The following NEGR1 variants were observed in gnomAD, a reference collection of about 807,000 sequenced individuals.
The protein encoded by NEGR1 is IgLON family member 4.
NEGR1 carries 10 observed loss-of-function variants against 40.9 expected under a neutral mutation model. The ratio of observed to expected loss-of-function variants is 0.24; its 90% CI spans 0.15 to 0.42. The LOEUF is 0.42. Ranked by LOEUF, NEGR1 falls within the 10% of genes least tolerant of loss-of-function variation. The pLI, the probability that NEGR1 is intolerant of heterozygous loss-of-function variation, is 1.00. For missense variants in NEGR1, 352 were observed against 438.9 expected (o/e 0.80, Z 1.77); for synonymous variants, 185 against 166.8 (o/e 1.11, Z -0.84).
At chr1:71,564,960 T>C (rs190881336) in intron 6 of NEGR1, among the ~76,000 whole-genome samples, 37 of 152,278 alleles carry the variant, frequency 2.4e-4, no homozygotes, top group African/African-American at 8.2e-4. Context: ...TGTATCATAC[T>C]GCTTCAAAGA....
At chr1:72,173,806 G>A (rs1652054554) in intron 1 of NEGR1, among the ~76,000 whole-genome samples, 1 of 152,080 alleles carries the variant, frequency 6.6e-6, no homozygotes, top group Non-Finnish European at 1.5e-5. Context: ...AGCTGGACGT[G>A]GTGGCAGGCA....
intron 1 of NEGR1, among the ~76,000 whole-genome samples, chr1:72,046,495 C>T (rs1038821156): frequency 6.6e-6 from 1 of 151,490 alleles, no homozygotes. Flanking sequence ...TAAATTATAG[C>T]TTCATGATTA....
chr1:71,796,646 A>G (rs1423758912), intron 2 of NEGR1, among the ~76,000 whole-genome samples: 1 of 151,940 alleles, frequency 6.6e-6, no homozygotes, highest in African/African-American at 2.4e-5. Context: ...CTGCAGCAAA[A>G]ACTCCTTTTT....
intron 1 of NEGR1, among the ~76,000 whole-genome samples, chr1:72,187,347 CA>C (rs1469993283): frequency 1.3e-5 from 2 of 151,266 alleles, no homozygotes; most frequent in African/African-American, 4.8e-5. Flanking sequence ...TTTATTGAAA[CA>C]ACATAGGAAA....
chr1:71,780,040 CAAAAAAAAA>C lies in NEGR1; in HGVS notation c.410-3752_410-3744del, dbSNP rs57576840. 2.2e-3 allele frequency among the ~76,000 whole-genome samples: 220 copies of C among 99,708 alleles called. 1 individual carries two copies. Among genetic ancestry groups the C allele is most frequent in the East Asian group, 0.02 (70 of 3,570 alleles). 65.4% of individuals were successfully genotyped at this position (99,708 alleles called of 152,430 possible). On this transcript the variant is annotated intron_variant, in intron 2 of 6. Coordinates refer to ENST00000357731, the MANE Select transcript of NEGR1 (RefSeq NM_173808.3). ...GTGCTAAGCACTTGCATAGGAAAACCAAAAAAAAAAAAAAAAAAAAAAAAAAAAAAAGAA... is the reference window on the plus strand; with the variant it reads ...GTGCTAAGCACTTGCATAGGAAAACCAAAAAAAAAAAAAAAAAAAAAAGAA...
At chr1:71,460,766 T>C (rs1256392072) in intron 6 of NEGR1, among the ~76,000 whole-genome samples, 1 of 152,136 alleles carries the variant, frequency 6.6e-6, no homozygotes, top group South Asian at 2.1e-4. Flanking sequence ...ACTCCATAGT[T>C]GGAAGAAATA....
intron 2 of NEGR1, among the ~76,000 whole-genome samples, chr1:71,839,454 A>T (rs944885993): frequency 2.6e-5 from 4 of 151,580 alleles, no homozygotes; most frequent in African/African-American, 9.7e-5. Context: ...CAGGCGATCC[A>T]CCCACCTCAG....
chr1:71,967,346 G>C (rs1646218415), intron 1 of NEGR1, among the ~76,000 whole-genome samples: 1 of 152,092 alleles, frequency 6.6e-6, no homozygotes, highest in Non-Finnish European at 1.5e-5. Context: ...GAGCAATTCA[G>C]CCCAACCGTC....
chr1:71,966,591 A>G (rs1028061046), intron 1 of NEGR1, among the ~76,000 whole-genome samples: 1 of 152,148 alleles, frequency 6.6e-6, no homozygotes, highest in African/African-American at 2.4e-5. Flanking sequence ...TGCAAGTGAT[A>G]AATTTCTAAT....
intron 4 of NEGR1, among the ~76,000 whole-genome samples, chr1:71,694,852 T>C (rs977022605): frequency 1.3e-5 from 2 of 151,754 alleles, no homozygotes; most frequent in Non-Finnish European, 3.0e-5. Context: ...CTCATGAAGC[T>C]ACTGTAATTC....
intron 6 of NEGR1, among the ~76,000 whole-genome samples, chr1:71,475,567 A>T (rs191948649): frequency 6.6e-6 from 1 of 152,202 alleles, no homozygotes; most frequent in African/African-American, 2.4e-5. Flanking sequence ...TCAAAATTAT[A>T]GAAGTTAAAA....
chr1:71,479,030 T>C (rs773795420), intron 6 of NEGR1, among the ~76,000 whole-genome samples: 12 of 152,010 alleles, frequency 7.9e-5, no homozygotes, highest in Non-Finnish European at 4.4e-5. Flanking sequence ...GTTATTACAG[T>C]CTCACAAACC....
intron 5 of NEGR1, among the ~76,000 whole-genome samples, chr1:71,599,275 A>T (rs1649841620): frequency 6.6e-6 from 1 of 152,222 alleles, no homozygotes; most frequent in Non-Finnish European, 1.5e-5. Flanking sequence ...AGTTGGCAGA[A>T]AAATATTAAA....
At chr1:72,281,440 A>G (rs1656245118) in intron 1 of NEGR1, among the ~76,000 whole-genome samples, 1 of 152,120 alleles carries the variant, frequency 6.6e-6, no homozygotes, top group South Asian at 2.1e-4. Context: ...GTTTATGGAA[A>G]TAAGATTTAT....
chr1:71,878,079 C>T (rs1402943351), intron 2 of NEGR1, among the ~76,000 whole-genome samples: 4 of 151,942 alleles, frequency 2.6e-5, no homozygotes, highest in African/African-American at 4.8e-5. Flanking sequence ...TGGAAAATGC[C>T]GACTCTTACT....
At chr1:72,121,225 C>T (rs1649794190) in intron 1 of NEGR1, among the ~76,000 whole-genome samples, 1 of 151,988 alleles carries the variant, frequency 6.6e-6, no homozygotes, top group Non-Finnish European at 1.5e-5. Flanking sequence ...ATCTTTTTGT[C>T]ACCTATCAAA....
chr1:71,443,436 C>T (rs1420037737), intron 6 of NEGR1, among the ~76,000 whole-genome samples: 1 of 152,088 alleles, frequency 6.6e-6, no homozygotes, highest in Non-Finnish European at 1.5e-5. Context: ...TTTGTTATAT[C>T]CACTTTTTTT....
intron 1 of NEGR1, among the ~76,000 whole-genome samples, chr1:72,023,658 AAACTT>A (rs2100424630): frequency 6.6e-6 from 1 of 151,360 alleles, no homozygotes; most frequent in East Asian, 1.9e-4. Flanking sequence ...AGTAAAAAAA[AAACTT>A]AACAAATAAC....
chr1:71,443,448 G>A (rs1374507565), intron 6 of NEGR1, among the ~76,000 whole-genome samples: 3 of 151,938 alleles, frequency 2.0e-5, no homozygotes, highest in Non-Finnish European at 2.9e-5. Flanking sequence ...ACTTTTTTTA[G>A]TTATATGTTA....
Sources: gnomAD v4.1 joint callset for allele counts (sites outside exome capture counted in the v4.1 genomes callset) on GRCh38, gnomAD v4.1.1 for gene constraint, MANE v1.5 for transcripts, NCBI Gene and HGNC (gene_info 2026-07-23, HGNC 2026-07-21) for gene names.